The following SCAPER variants were observed in gnomAD, a reference collection of about 807,000 sequenced individuals.
SCAPER encodes the protein S phase cyclin A-associated protein in the endoplasmic reticulum.
SCAPER carries 98 observed loss-of-function variants against 182.2 expected under a neutral mutation model. The observed-to-expected ratio is 0.54, with a 90% CI of 0.46 to 0.64. The LOEUF is 0.64. SCAPER is among the 30% of genes least tolerant of loss of function. The pLI, the probability that SCAPER is intolerant of heterozygous loss-of-function variation, is 0.00. For synonymous variants in SCAPER, 605 were observed against 564.6 expected (o/e 1.07, Z -1.01); for missense variants, 1,432 against 1,690.0 (o/e 0.85, Z 2.68).
At chr15:76,652,301 TATATATATAC>T (rs1450400056) in intron 21 of SCAPER, among the ~76,000 whole-genome samples, 8 of 26,840 alleles carry the variant, frequency 3.0e-4, no homozygotes, top group East Asian at 2.5e-3. Context: ...TATATATATA[TATATATATAC>T]ACACACACAC....
chr15:76,422,245 C>A (rs1292668953), intron 26 of SCAPER, among the ~76,000 whole-genome samples: 1 of 152,172 alleles, frequency 6.6e-6, no homozygotes, highest in African/African-American at 2.4e-5. Context: ...TTCTTCCTAT[C>A]CATAAGCATG....
chr15:76,899,552 T>C, intron 1 of SCAPER, among the ~76,000 whole-genome samples: 1 of 152,172 alleles, frequency 6.6e-6, no homozygotes, highest in Non-Finnish European at 1.5e-5. Context: ...CCTCCCAAAG[T>C]GCTAAGATTA....
At chr15:76,728,533 T>C in intron 17 of SCAPER, 62 bp downstream of exon 17, 1 of 1,605,022 alleles carries the variant, frequency 6.2e-7, no homozygotes, top group Non-Finnish European at 8.5e-7. Context: ...TAAATGGCTT[T>C]AAGACCTCAA....
chr15:76,870,079 C>A (rs2072593609), intron 2 of SCAPER, among the ~76,000 whole-genome samples: 1 of 151,854 alleles, frequency 6.6e-6, no homozygotes, highest in Non-Finnish European at 1.5e-5. Context: ...CTGGTAGTTA[C>A]CCAAGGCCAG....
chr15:76,745,945 T>C (rs1236409205), intron 15 of SCAPER, among the ~76,000 whole-genome samples: 1 of 152,154 alleles, frequency 6.6e-6, no homozygotes, highest in Admixed American at 6.5e-5. Context: ...ATAAAAATAC[T>C]AATAATACAT....
At chr15:76,779,630 T>G (rs2063969570) in intron 8 of SCAPER, among the ~76,000 whole-genome samples, 1 of 152,028 alleles carries the variant, frequency 6.6e-6, no homozygotes, top group Non-Finnish European at 1.5e-5. Flanking sequence ...AGATTCACAC[T>G]AGTTCTATGC....
chr15:76,703,528 TG>T (rs1308872929), intron 18 of SCAPER, among the ~76,000 whole-genome samples: 1 of 152,086 alleles, frequency 6.6e-6, no homozygotes, highest in African/African-American at 2.4e-5. Context: ...GTGACAATCC[TG>T]GGGGAAAAAA....
intron 23 of SCAPER, among the ~76,000 whole-genome samples, chr15:76,514,669 C>T (rs1470731207): frequency 6.6e-6 from 1 of 152,142 alleles, no homozygotes; most frequent in African/African-American, 2.4e-5. Context: ...ATCTGTGGCA[C>T]CTTAAGACCT....
chr15:76,379,826 C>A (rs1241981868), intron 28 of SCAPER: 1 of 152,018 alleles, frequency 6.6e-6, no homozygotes, highest in African/African-American at 2.4e-5. Flanking sequence ...GTGAGTGAGC[C>A]TGCACAGGCC....
chr15:76,670,839 T>C (rs921515959), intron 20 of SCAPER, among the ~76,000 whole-genome samples: 1 of 152,226 alleles, frequency 6.6e-6, no homozygotes, highest in African/African-American at 2.4e-5. Flanking sequence ...ATTATGCTTT[T>C]GCTTCTTCTA....
intron 24 of SCAPER, among the ~76,000 whole-genome samples, chr15:76,492,587 G>A (rs560751088): frequency 6.6e-6 from 1 of 152,246 alleles, no homozygotes; most frequent in East Asian, 1.9e-4. Flanking sequence ...CCTACATGTG[G>A]ACTTGCATAT....
chr15:76,848,469 G>A (rs1802306598), intron 4 of SCAPER, among the ~76,000 whole-genome samples: 1 of 151,850 alleles, frequency 6.6e-6, no homozygotes, highest in African/African-American at 2.4e-5. Flanking sequence ...AAGTAGCTGG[G>A]ACTACAGGCA....
intron 22 of SCAPER, among the ~76,000 whole-genome samples, chr15:76,591,492 C>T (rs1343609621): frequency 1.3e-5 from 2 of 152,142 alleles, no homozygotes; most frequent in Admixed American, 6.5e-5. Context: ...GACAGGGTCT[C>T]GCTCTGTTGC....
intron 21 of SCAPER, among the ~76,000 whole-genome samples, chr15:76,627,237 A>G (rs2052666088): frequency 2.9e-5 from 2 of 69,910 alleles, no homozygotes; most frequent in Non-Finnish European, 6.8e-5. Flanking sequence ...TTAAAAAAAG[A>G]GGCTATTTTA....
chr15:76,826,729 T>C (rs1045081409), intron 5 of SCAPER, among the ~76,000 whole-genome samples: 1 of 152,240 alleles, frequency 6.6e-6, no homozygotes, highest in African/African-American at 2.4e-5. Context: ...ATGTGTTTGA[T>C]GTAAGGCATT....
At chr15:76,404,503 G>C (rs763468547) in intron 27 of SCAPER, 21 bp downstream of exon 27, 1 of 1,580,470 alleles carries the variant, frequency 6.3e-7, no homozygotes, top group Non-Finnish European at 8.6e-7. Flanking sequence ...AGTCTAGATT[G>C]AGATCAAGTA....
chr15:76,691,863 C>T (rs1407635057), intron 20 of SCAPER, among the ~76,000 whole-genome samples: 1 of 152,032 alleles, frequency 6.6e-6, no homozygotes, highest in African/African-American at 2.4e-5. Context: ...TAAATGAAAC[C>T]CAGCTTATCT....
intron 1 of SCAPER, among the ~76,000 whole-genome samples, chr15:76,884,445 A>G (rs766543103): frequency 5.3e-5 from 8 of 152,194 alleles, no homozygotes; most frequent in Non-Finnish European, 1.0e-4. Context: ...AACCTATTTA[A>G]TGTGGCCACA....
rs561839133 is a variant in SCAPER at position 76,694,900 on chromosome 15, T to C, written c.2508+6858A>G. Among the ~76,000 whole-genome samples the C allele has an allele frequency of 9.2e-5, 14 of 152,154 alleles. No individual in the cohort carries two copies. The South Asian group carries it at 2.7e-3, about 29-fold the overall frequency. On this transcript the variant is annotated intron_variant, in intron 20 of 31. Coordinates refer to ENST00000563290, the MANE Select transcript of SCAPER (RefSeq NM_020843.4). ...CATGAATAAATTGAAAAAAGCAATT[T>C]TGCAATTTTGCCCAAAAAATACTTT... is the stretch of plus-strand genomic sequence containing the variant.
Sources: gnomAD v4.1 joint callset for allele counts (sites outside exome capture counted in the v4.1 genomes callset) on GRCh38, gnomAD v4.1.1 for gene constraint, MANE v1.5 for transcripts, NCBI Gene and HGNC (gene_info 2026-07-23, HGNC 2026-07-21) for gene names.